SNTB1: variants seen among roughly 807,000 people sequenced by gnomAD.
SNTB1 encodes the protein syntrophin beta 1, also known as beta-1-syntrophin.
In SNTB1, 36 loss-of-function variants were observed where a neutral mutation model predicts 48.9. That is an observed-to-expected ratio of 0.74 (90% CI 0.56 to 0.97). The LOEUF (loss-of-function observed/expected upper bound fraction) is 0.97, where lower values mean the gene tolerates loss of function less well. Ranked by LOEUF, SNTB1 falls within the 50% of genes least tolerant of loss-of-function variation. The pLI is 0.00. For synonymous variants in SNTB1, 299 were observed against 294.6 expected (o/e 1.01, Z -0.15); for missense variants, 786 against 703.4 (o/e 1.12, Z -1.33).
At chr8:120,700,352 G>A (rs915374311) in intron 1 of SNTB1, among the ~76,000 whole-genome samples, 1 of 152,140 alleles carries the variant, frequency 6.6e-6, no homozygotes, top group Non-Finnish European at 1.5e-5. Flanking sequence ...TCATAATAGA[G>A]GGTTTAACCT....
chr8:120,637,366 A>C (rs1054260872), intron 2 of SNTB1: 1 of 235,136 alleles, frequency 4.3e-6, no homozygotes, highest in Admixed American at 5.4e-5. Context: ...GTTTCAGAAC[A>C]TTCTTCGCTG....
At chr8:120,579,463 G>A (rs1216798543) in intron 3 of SNTB1, among the ~76,000 whole-genome samples, 2 of 152,160 alleles carry the variant, frequency 1.3e-5, no homozygotes. Context: ...GATCACTTAA[G>A]GCTGGGAATT....
intron 4 of SNTB1, among the ~76,000 whole-genome samples, chr8:120,572,655 G>T (rs1186970496): frequency 2.0e-5 from 3 of 152,172 alleles, no homozygotes; most frequent in Non-Finnish European, 4.4e-5. Context: ...ATGGGAGGCC[G>T]AGGGAGGAAG....
At chr8:120,655,669 G>A (rs565648644) in intron 2 of SNTB1, among the ~76,000 whole-genome samples, 17 of 152,294 alleles carry the variant, frequency 1.1e-4, no homozygotes, top group South Asian at 4.1e-4. Flanking sequence ...TTTTATGTTG[G>A]TTGCTGTTCA....
chr8:120,713,770 T>C (rs1420883637), intron 1 of SNTB1, among the ~76,000 whole-genome samples: 1 of 152,180 alleles, frequency 6.6e-6, no homozygotes, highest in Non-Finnish European at 1.5e-5. Flanking sequence ...TACTTTTTTG[T>C]GTATGTCTGG....
intron 1 of SNTB1, 115 bp downstream of exon 1, chr8:120,811,158 G>T: frequency 1.5e-6 from 2 of 1,310,254 alleles, no homozygotes; most frequent in Non-Finnish European, 2.0e-6. Context: ...ACACACACCC[G>T]GCCCCCTGGG....
intron 2 of SNTB1, chr8:120,637,385 T>G: frequency 4.7e-6 from 1 of 213,274 alleles, no homozygotes. Context: ...TGTAAGGGCC[T>G]TTTCAACTTT....
chr8:120,576,430 G>A (rs2130688271), intron 3 of SNTB1, among the ~76,000 whole-genome samples: 1 of 152,334 alleles, frequency 6.6e-6, no homozygotes, highest in East Asian at 1.9e-4. Context: ...AAGCATGTGT[G>A]TAGCTCTTGC....
At chr8:120,696,695 G>A (rs2129873105) in intron 1 of SNTB1, among the ~76,000 whole-genome samples, 1 of 152,326 alleles carries the variant, frequency 6.6e-6, no homozygotes, top group Admixed American at 6.5e-5. Flanking sequence ...GTGAACACTA[G>A]CAGCATGACA....
chr8:120,690,297 T>C (rs1415192420), intron 2 of SNTB1, among the ~76,000 whole-genome samples: 1 of 152,214 alleles, frequency 6.6e-6, no homozygotes, highest in African/African-American at 2.4e-5. Flanking sequence ...GGGGGTCCTG[T>C]TACATTCCTT....
Position 120,684,939 on chromosome 8 carries a change from A to C in SNTB1, c.788+8753T>G, listed in dbSNP as rs112841998. Among the ~76,000 whole-genome samples the C allele has an allele frequency of 2.3e-3, 352 of 152,288 alleles. 3 individuals are homozygous for C. The highest frequency in any genetic ancestry group is 8.0e-3 in the African/African-American group (333 of 41,568). ...CCAAAGTGCTGGGATTACAGGTGTG[A>C]GCCACCATGCCCAGCAAAAATTGAA... On this transcript the variant is annotated intron_variant, in intron 2 of 6. Transcript: ENST00000517992.
At chr8:120,604,516 T>C (rs1816479336) in intron 3 of SNTB1, among the ~76,000 whole-genome samples, 1 of 151,316 alleles carries the variant, frequency 6.6e-6, no homozygotes, top group Non-Finnish European at 1.5e-5. Context: ...TGAAGTGGTG[T>C]GATCTCGACT....
chr8:120,650,478 C>T (rs752038668), intron 2 of SNTB1, among the ~76,000 whole-genome samples: 5 of 151,692 alleles, frequency 3.3e-5, no homozygotes, highest in East Asian at 3.9e-4. Context: ...TTTTCCCTCA[C>T]CCCCAACAAA....
intron 1 of SNTB1, among the ~76,000 whole-genome samples, chr8:120,805,424 G>A (rs1197352287): frequency 6.6e-6 from 1 of 152,170 alleles, no homozygotes; most frequent in Non-Finnish European, 1.5e-5. Flanking sequence ...AAGGGAAGCA[G>A]AAAAGAGACT....
At chr8:120,623,061 G>A (rs1164707098) in intron 3 of SNTB1, among the ~76,000 whole-genome samples, 1 of 152,162 alleles carries the variant, frequency 6.6e-6, no homozygotes, top group Non-Finnish European at 1.5e-5. Flanking sequence ...GTGGGATCAG[G>A]CTGAAACTAG....
intron 1 of SNTB1, among the ~76,000 whole-genome samples, chr8:120,797,866 T>C (rs1820147964): frequency 6.6e-6 from 1 of 151,984 alleles, no homozygotes. Context: ...GGTGCAGTGA[T>C]TGCACAAGGT....
intron 2 of SNTB1, among the ~76,000 whole-genome samples, chr8:120,688,129 A>C (rs1818063761): frequency 6.6e-6 from 1 of 152,234 alleles, no homozygotes; most frequent in African/African-American, 2.4e-5. Context: ...ACTGTTTCCC[A>C]AGAAAGATGA....
intron 1 of SNTB1, among the ~76,000 whole-genome samples, chr8:120,698,712 G>A (rs1470611675): frequency 6.6e-6 from 1 of 152,186 alleles, no homozygotes. Flanking sequence ...GTACTGCCAA[G>A]CACTCCTGTC....
intron 1 of SNTB1, among the ~76,000 whole-genome samples, chr8:120,736,496 G>A (rs768544043): frequency 3.9e-5 from 6 of 152,182 alleles, no homozygotes; most frequent in East Asian, 1.9e-4. Context: ...GCTTACTGCC[G>A]AATTCTATCA....
Sources: gnomAD v4.1 joint callset for allele counts (sites outside exome capture counted in the v4.1 genomes callset) on GRCh38, gnomAD v4.1.1 for gene constraint, MANE v1.5 for transcripts, NCBI Gene and HGNC (gene_info 2026-07-23, HGNC 2026-07-21) for gene names.